Variants in SCAMP4 observed in about 807,000 individuals in gnomAD.
The protein encoded by SCAMP4 is secretory carrier-associated membrane protein 4.
A neutral mutation model predicts 32.1 loss-of-function variants in SCAMP4; 19 were observed. The ratio of observed to expected loss-of-function variants is 0.59; its 90% CI spans 0.41 to 0.87. The LOEUF is 0.87. Among genes scored for constraint, SCAMP4 ranks in the 40% least tolerant of loss-of-function variants. SCAMP4 has a pLI of 0.00. For missense variants in SCAMP4, 302 were observed against 309.0 expected, an observed-to-expected ratio of 0.98 and a Z score of 0.17; for synonymous variants, 152 against 132.7, an observed-to-expected ratio of 1.15 and a Z score of -1.00.
At chr19:1,921,380 G>C (rs902623784) in intron 5 of SCAMP4, 1 of 985,320 alleles carries the variant, frequency 1.0e-6, no homozygotes, top group African/African-American at 1.7e-5. Context: ...GACCCCCAGC[G>C]GGGCCTAGCT....
chr19:1,908,055 G>C lies in SCAMP4; in HGVS notation c.-42+2616G>C, dbSNP rs1346174441. ...TCAGACAGAGGTTGTACTCTTGGAG[G>C]GACAAGCGAGGCTGTGTTTGTCTTT... On this transcript the variant is annotated intron_variant, in intron 1 of 6. Coordinates refer to ENST00000316097, the MANE Select transcript of SCAMP4 (RefSeq NM_079834.4). The surrounding 1 kb of genome is among the most constrained non-coding windows in gnomAD (Gnocchi z 4.2). The C allele has an allele frequency of 1.7e-5, 3 of 171,770 alleles. No homozygotes were observed. Among genetic ancestry groups the C allele is most frequent in the African/African-American group, 7.2e-5 (3 of 41,530 alleles). The allele number at this position is 171,770 out of a possible 1,614,324, so 10.6% of individuals were successfully genotyped here.
At chr19:1,915,971 G>T (rs558665916) in intron 2 of SCAMP4, among the ~76,000 whole-genome samples, 42 of 136,322 alleles carry the variant, frequency 3.1e-4, no homozygotes, top group Non-Finnish European at 6.2e-4. Flanking sequence ...TGGTCCGGGC[G>T]TGGTGGCTCA....
At chr19:1,923,719 T>A (rs7251751) in intron 6 of SCAMP4, among the ~76,000 whole-genome samples, 1 of 147,084 alleles carries the variant, frequency 6.8e-6, no homozygotes, top group Non-Finnish European at 1.5e-5. Context: ...CTGGGGTTCA[T>A]GCCATTCTCC....
intron 5 of SCAMP4, chr19:1,921,684 A>G (rs997391403): frequency 1.3e-5 from 13 of 985,326 alleles, no homozygotes; most frequent in Non-Finnish European, 1.6e-5. Flanking sequence ...TACTTTTTTA[A>G]AAAATAAAAG....
chr19:1,917,119 G>A lies in SCAMP4; in HGVS notation c.8-575G>A, dbSNP rs1267243295. ...GTTCAAAACCAGCCTGGCCAACATG[G>A]TGAAACCTCGTGTCTACTAAAAAGA... On this transcript the variant is annotated intron_variant, in intron 2 of 6. Transcript: ENST00000316097. 2.6e-5 allele frequency among the ~76,000 whole-genome samples: 4 copies of A among 152,174 alleles called. No individual in the cohort carries two copies. The East Asian group carries it at 7.7e-4, about 29-fold the overall frequency.
At chr19:1,913,158 CCCT>C in intron 1 of SCAMP4, 1 of 1,530,534 alleles carries the variant, frequency 6.5e-7, no homozygotes, top group Non-Finnish European at 8.8e-7. Flanking sequence ...GTAGGCGCCG[CCCT>C]CCTGCCTCCG....
Position 1,913,134 on chromosome 19 carries a change from C to A in SCAMP4, c.-41-1845C>A, listed in dbSNP as rs948733530. On this transcript the variant is annotated intron_variant, in intron 1 of 6. Transcript: ENST00000316097. ...GGTGCTGGAGGAGCAGTGCCGCTGG[C>A]TGGACCCCGACACGTAGGCGCCGCC... The A allele has an allele frequency of 3.8e-6, 6 of 1,567,314 alleles. No homozygotes were observed. In the African/African-American group the frequency reaches 8.1e-5, roughly 21 times the overall value.
intron 5 of SCAMP4, chr19:1,921,700 A>G (rs2145459258): frequency 1.0e-6 from 1 of 985,358 alleles, no homozygotes; most frequent in Non-Finnish European, 1.2e-6. Flanking sequence ...AAAAGAGGCC[A>G]GGCATGGTGG....
At chr19:1,914,070 G>A (rs1193119218) in intron 1 of SCAMP4, among the ~76,000 whole-genome samples, 5 of 152,216 alleles carry the variant, frequency 3.3e-5, no homozygotes, top group African/African-American at 7.2e-5. Flanking sequence ...GAGCCACAGC[G>A]TGGAGTGAGG....
At chr19:1,922,972 T>C in intron 5 of SCAMP4, 98 bp from the exon 6 acceptor site, 2 of 1,395,136 alleles carry the variant, frequency 1.4e-6, no homozygotes, top group South Asian at 1.6e-5. Context: ...TCCTTGTTGA[T>C]TGGCCAGAGC....
chr19:1,908,580 AG>A lies in SCAMP4; in HGVS notation c.-42+3142del, dbSNP rs932576844. On this transcript the variant is annotated intron_variant, in intron 1 of 6. Transcript: ENST00000316097. This position sits in a 1 kb window ranked among gnomAD's most constrained non-coding sequence, Gnocchi z 4.2. The stretch of plus-strand genomic sequence containing the variant: ...GTCATTTTAAGATCATCTGCGGCTT[AG>A]CCCCAGCACCATCTGAGGCAGTACT... 1.3e-5 allele frequency: 6 copies of A among 471,042 alleles called. No homozygotes were observed. Among genetic ancestry groups the A allele is most frequent in the Admixed American group, 9.4e-5 (4 of 42,562 alleles). The allele number at this position is 471,042 out of a possible 1,614,324, so 29.2% of individuals were successfully genotyped here. A position where few individuals can be genotyped will look rare whatever the true frequency, so the allele number is the denominator to read the frequency against.
chr19:1,907,154 T>A (rs2013167410), intron 1 of SCAMP4: 1 of 150,880 alleles, frequency 6.6e-6, no homozygotes, highest in Non-Finnish European at 1.5e-5. Context: ...GCCACTGCCC[T>A]CCAGCCTGGG....
In SCAMP4 at chr19:1,923,150, C is replaced by A. The variant is rs966252065; in HGVS notation, c.476C>A (p.Ser159Tyr). 3 of 1,551,856 alleles carry A rather than the reference C, an allele frequency of 1.9e-6. No homozygotes were observed. Among genetic ancestry groups the A allele is most frequent in the Non-Finnish European group, 2.6e-6 (3 of 1,147,236 alleles). ...ATGCTGCTTCCAGCCATCATGTTCT[C>A]CGTGTCGGCTGCCATGATGGCCATC... ...VVMLLPAIMF[S>Y]VSAAMMAIAI... Residue 159 changes from serine (S) to tyrosine (Y), a missense_variant, in exon 6 of 7, where the codon TCC (serine) becomes TAC (tyrosine). Physicochemically the swap from Ser to Tyr is moderately radical, Grantham distance 144. Transcript: ENST00000316097.
At chr19:1,921,821 A>G (rs563226485) in intron 5 of SCAMP4, 1 of 984,108 alleles carries the variant, frequency 1.0e-6, no homozygotes, top group Admixed American at 6.1e-5. Flanking sequence ...CTCTCCAGAA[A>G]AAAAAAAAGA....
At chr19:1,912,299 G>A (rs376520766) in intron 1 of SCAMP4, 75 of 1,563,266 alleles carry the variant, frequency 4.8e-5, no homozygotes, top group Non-Finnish European at 6.3e-5. Flanking sequence ...CCCTGCACCC[G>A]CTCCCCGCCC....
chr19:1,911,758 G>C (rs2013460181), intron 1 of SCAMP4: 1 of 302,916 alleles, frequency 3.3e-6, no homozygotes, highest in African/African-American at 2.2e-5. Context: ...ACTCCAGCCT[G>C]GGCGACAGCG....
Position 1,913,084 on chromosome 19 carries a change from A to G in SCAMP4, c.-41-1895A>G, listed in dbSNP as rs953934210. ...CGCATCCACGCACGGCCCGACCTCA[A>G]CCACCGCTTCCAGGTGTTCCGCGGG... On this transcript the variant is annotated intron_variant, in intron 1 of 6. Transcript: ENST00000316097. The G allele has an allele frequency of 7.5e-6, 12 of 1,600,902 alleles. No homozygotes were observed. Among genetic ancestry groups the G allele is most frequent in the Admixed American group, 3.4e-5 (2 of 59,628 alleles).
intron 5 of SCAMP4, chr19:1,921,787 C>T (rs1268736497): frequency 1.0e-6 from 1 of 984,590 alleles, no homozygotes; most frequent in Non-Finnish European, 1.2e-6. Flanking sequence ...TCAGACTGGC[C>T]TGGGCAACAT....
rs2013780032 is a variant in SCAMP4 at position 1,917,749 on chromosome 19, C to T, written c.63C>T (p.Phe21=). The stretch of plus-strand genomic sequence containing the variant: ...AGTTCATCCCTGTGAAGCCCTGCTT[C>T]TACCAGAACTTCTCCGACGAGATCC... The part of the protein sequence containing the change: ...LPKFIPVKPC[F]YQNFSDEIPV... The change falls in exon 3 of 7, where the codon TTC becomes TTT. Residue 21 remains phenylalanine (F), a synonymous_variant. Coordinates refer to ENST00000316097, the MANE Select transcript of SCAMP4 (RefSeq NM_079834.4). 6.2e-7 allele frequency: 1 copy of T among 1,614,034 alleles called. No individual in the cohort carries two copies.
Sources: allele counts gnomAD v4.1 joint callset (sites outside exome capture counted in the v4.1 genomes callset), GRCh38; gene constraint gnomAD v4.1.1; non-coding constraint Gnocchi (gnomAD v3.1); transcripts MANE v1.5; gene names NCBI Gene and HGNC (gene_info 2026-07-23, HGNC 2026-07-21).